BICC1: variants seen among roughly 807,000 people sequenced by gnomAD.
The protein encoded by BICC1 is protein bicaudal C homolog 1.
Under a neutral mutation model 111.0 loss-of-function variants are expected in BICC1, and 43 were observed. That is an observed-to-expected ratio of 0.39 (90% CI 0.30 to 0.50). The LOEUF (loss-of-function observed/expected upper bound fraction) is 0.50. Ranked by LOEUF, BICC1 falls within the 20% of genes least tolerant of loss-of-function variation. The pLI, the probability that BICC1 is intolerant of heterozygous loss-of-function variation, is 0.88. For missense variants in BICC1, 1,091 were observed against 1,203.2 expected (o/e 0.91, Z 1.38); for synonymous variants, 467 against 434.4 (o/e 1.07, Z -0.93).
At chr10:58,778,566 C>A (rs1842806376) in intron 3 of BICC1, among the ~76,000 whole-genome samples, 1 of 152,146 alleles carries the variant, frequency 6.6e-6, no homozygotes, top group African/African-American at 2.4e-5. Context: ...CATCAAAAGT[C>A]TTCATCCACA....
At chr10:58,672,908 T>A (rs1244067093) in intron 2 of BICC1, among the ~76,000 whole-genome samples, 1 of 152,220 alleles carries the variant, frequency 6.6e-6, no homozygotes, top group East Asian at 1.9e-4. Context: ...GGATCCTCTT[T>A]AAATGTTGAG....
At chr10:58,714,152 T>G (rs915888840) in intron 3 of BICC1, among the ~76,000 whole-genome samples, 1 of 152,208 alleles carries the variant, frequency 6.6e-6, no homozygotes. Flanking sequence ...ACTAGAGGTG[T>G]GGGCTTATTA....
intron 3 of BICC1, among the ~76,000 whole-genome samples, chr10:58,711,096 C>T (rs1840558272): frequency 6.6e-6 from 1 of 152,210 alleles, no homozygotes; most frequent in Admixed American, 6.5e-5. Context: ...TATCCTCCCA[C>T]CTCAGCCTCC....
intron 2 of BICC1, among the ~76,000 whole-genome samples, chr10:58,685,336 A>G (rs1258473915): frequency 2.0e-5 from 3 of 152,184 alleles, no homozygotes; most frequent in African/African-American, 4.8e-5. Context: ...AGAAGAATGT[A>G]TATTCTGTTG....
chr10:58,641,216 A>G (rs6481415), intron 2 of BICC1, among the ~76,000 whole-genome samples: 150,274 of 152,282 alleles, frequency 0.99, 74,176 homozygotes, highest in Middle Eastern at 1. Flanking sequence ...CTAACAGTGC[A>G]ATCCCCAGGA....
At chr10:58,671,202 A>C (rs1352923284) in intron 2 of BICC1, among the ~76,000 whole-genome samples, 1 of 152,198 alleles carries the variant, frequency 6.6e-6, no homozygotes, top group African/African-American at 2.4e-5. Flanking sequence ...AATTGTCTGC[A>C]GACATAGAAA....
At chr10:58,775,949 A>G (rs552084813) in intron 3 of BICC1, among the ~76,000 whole-genome samples, 1 of 152,346 alleles carries the variant, frequency 6.6e-6, no homozygotes, top group South Asian at 2.1e-4. Flanking sequence ...CTTTAGTGTA[A>G]CATATAAAAG....
chr10:58,524,934 T>G (rs1311460553), intron 1 of BICC1, among the ~76,000 whole-genome samples: 1 of 152,082 alleles, frequency 6.6e-6, no homozygotes, highest in Non-Finnish European at 1.5e-5. Flanking sequence ...AAGAAGACAC[T>G]TTTGCAGCCA....
chr10:58,769,418 A>ATATATATATATATATATG (rs1842561312), intron 3 of BICC1, among the ~76,000 whole-genome samples: 1 of 145,340 alleles, frequency 6.9e-6, no homozygotes. Flanking sequence ...ATATATATAT[A>ATATATATATATATATATG]TATATATAAT....
intron 1 of BICC1, among the ~76,000 whole-genome samples, chr10:58,563,964 T>A (rs1843683319): frequency 6.6e-6 from 1 of 152,234 alleles, no homozygotes; most frequent in Admixed American, 6.5e-5. Flanking sequence ...TACGGCTCTT[T>A]CTTTTGTCTT....
intron 1 of BICC1, among the ~76,000 whole-genome samples, chr10:58,514,112 C>T (rs1020330160): frequency 6.6e-6 from 1 of 152,238 alleles, no homozygotes; most frequent in South Asian, 2.1e-4. Flanking sequence ...CATACTGGAC[C>T]GAAAACAGAT....
At position 58,632,069 on chromosome 10, in the gene BICC1, G is replaced by A. The variant is rs915034954; in HGVS notation, c.237+11168G>A. ...CAAGATCAAGGAAGTGATAGTTTTC[G>A]GTATGTAGTTGGAAAGTGGGTATGT... is the stretch of plus-strand genomic sequence containing the variant. On this transcript the variant is annotated intron_variant, in intron 2 of 20. Coordinates refer to ENST00000373886, the MANE Select transcript of BICC1 (RefSeq NM_001080512.3). Among the ~76,000 whole-genome samples the A allele has an allele frequency of 3.3e-5, 5 of 152,030 alleles. No homozygotes were observed. The South Asian group carries it at 1.0e-3, about 32-fold the overall frequency.
At chr10:58,549,791 T>G (rs1200425134) in intron 1 of BICC1, among the ~76,000 whole-genome samples, 1 of 151,990 alleles carries the variant, frequency 6.6e-6, no homozygotes, top group African/African-American at 2.4e-5. Context: ...GTTCAAGCGA[T>G]TCTCCTGTCT....
At chr10:58,774,136 C>T (rs538665174) in intron 3 of BICC1, among the ~76,000 whole-genome samples, 165 of 152,314 alleles carry the variant, frequency 1.1e-3, no homozygotes, top group Middle Eastern at 3.4e-3. Flanking sequence ...CCCATCATTA[C>T]GTATTCCTGC....
At chr10:58,568,753 T>C (rs1843849913) in intron 1 of BICC1, among the ~76,000 whole-genome samples, 2 of 152,076 alleles carry the variant, frequency 1.3e-5, no homozygotes, top group Non-Finnish European at 2.9e-5. Context: ...TCCACTCCCT[T>C]CTCCCCCTTG....
At chr10:58,570,006 C>A (rs1272912509) in intron 1 of BICC1, among the ~76,000 whole-genome samples, 5 of 152,210 alleles carry the variant, frequency 3.3e-5, no homozygotes, top group Non-Finnish European at 5.9e-5. Flanking sequence ...ACACTCCCAA[C>A]AACAGTGTAA....
chr10:58,690,124 T>C (rs1196526174), intron 2 of BICC1, among the ~76,000 whole-genome samples: 1 of 152,164 alleles, frequency 6.6e-6, no homozygotes, highest in East Asian at 1.9e-4. Flanking sequence ...CAGTGGAATA[T>C]GAATAAAATA....
Position 58,807,097 on chromosome 10 carries a change from T to A in BICC1, c.2315T>A (p.Ile772Asn). 6.2e-7 allele frequency: 1 copy of A among 1,613,954 alleles called. No homozygotes were observed. The highest frequency in any genetic ancestry group is 8.5e-7 in the Non-Finnish European group (1 of 1,179,898). The change falls in exon 17 of 21, where the codon ATC (isoleucine) becomes AAC (asparagine). Residue 772 changes from isoleucine (I) to asparagine (N), a missense_variant. Physicochemically the swap from Ile to Asn is moderately radical, Grantham distance 149 (BLOSUM62 -3). Around this residue, in one of 3 missense-constraint regions of BICC1, gnomAD observed 231 missense variants for 256.2 expected, o/e 0.90. Transcript: ENST00000373886. ...TCTAAATCCATGCCAGCTGAAACTA[T>A]CAAGGAGTTGAGAAGGGCCAATCAT... ...GFSKSMPAET[I>N]KELRRANHVS...
At chr10:58,519,186 G>T (rs1842327491) in intron 1 of BICC1, among the ~76,000 whole-genome samples, 1 of 152,230 alleles carries the variant, frequency 6.6e-6, no homozygotes, top group Middle Eastern at 3.4e-3. Flanking sequence ...CCTTATTTTT[G>T]CACTGTGGCT....
Sources: allele counts gnomAD v4.1 joint callset (sites outside exome capture counted in the v4.1 genomes callset), GRCh38; gene constraint gnomAD v4.1.1; regional missense constraint gnomAD v4.1.1; transcripts MANE v1.5; gene names NCBI Gene and HGNC (gene_info 2026-07-23, HGNC 2026-07-21).